ESYT3: variants seen among roughly 807,000 people sequenced by gnomAD.
ESYT3 encodes the protein extended synaptotagmin-3.
In ESYT3, 101 loss-of-function variants were observed where a neutral mutation model predicts 111.5. The ratio of observed to expected loss-of-function variants is 0.91; its 90% CI spans 0.77 to 1.07. The LOEUF (loss-of-function observed/expected upper bound fraction) is 1.07, where lower values mean the gene tolerates loss of function less well. ESYT3 is among the 50% of genes least tolerant of loss of function. The probability of loss-of-function intolerance (pLI) is 0.00; values close to 1 mark genes in which losing one functional copy is unlikely to be tolerated. For missense variants in ESYT3, 1,097 were observed against 1,109.4 expected, an observed-to-expected ratio of 0.99 and a Z score of 0.16; for synonymous variants, 416 against 446.8, an observed-to-expected ratio of 0.93 and a Z score of 0.87.
chr3:138,471,882 C>A (rs1027403634), intron 17 of ESYT3, among the ~76,000 whole-genome samples: 1 of 152,198 alleles, frequency 6.6e-6, no homozygotes, highest in African/African-American at 2.4e-5. Context: ...TTAGGAAAGA[C>A]TTTATCCCCT....
intron 10 of ESYT3, 26 bp from the exon 11 acceptor site, chr3:138,467,535 C>G: frequency 6.2e-7 from 1 of 1,613,866 alleles, no homozygotes; most frequent in East Asian, 2.2e-5. Context: ...TGAGCTGACC[C>G]AATCCCCTCT....
At position 138,435,167 on chromosome 3, in the gene ESYT3, T is replaced by G; in HGVS notation, c.327+42T>G. ...GGGAGTGGGAGGTGGGGAGATGCCT[T>G]TCGAGGTTCGGAGGAACTTGCGGTC... On this transcript the variant is annotated intron_variant, in intron 1 of 22. Coordinates refer to ENST00000389567, the MANE Select transcript of ESYT3 (RefSeq NM_031913.5). This position sits in a 1 kb window ranked among gnomAD's most constrained non-coding sequence, Gnocchi z 4.8. 2.0e-6 allele frequency: 3 copies of G among 1,493,326 alleles called. No homozygotes were observed. Among genetic ancestry groups the G allele is most frequent in the Non-Finnish European group, 9.0e-7 (1 of 1,116,012 alleles). 92.5% of individuals were successfully genotyped at this position (1,493,326 alleles called of 1,614,324 possible).
intron 20 of ESYT3, among the ~76,000 whole-genome samples, chr3:138,475,882 C>T (rs182699185): frequency 1.1e-4 from 16 of 152,228 alleles, no homozygotes; most frequent in Admixed American, 7.8e-4. Context: ...GCCAAGATCG[C>T]GCCATTGCAC....
intron 18 of ESYT3, 186 bp from the exon 19 acceptor site, chr3:138,473,350 T>C (rs1679168): frequency 0.77 from 476,888 of 616,950 alleles, 185,431 homozygotes; most frequent in East Asian, 0.95. Context: ...CTTCCTACTA[T>C]GAAGTAGGAT....
rs576484653 is a variant in ESYT3, at chr3:138,478,579, T to C, written c.*1725T>C. ...GCAGATAAGTGAAAACCTACCCCTC[T>C]TCTTCCAAACTTAAACCACAAACAT... On this transcript the variant is annotated 3_prime_UTR_variant, in exon 23 of 23. Coordinates refer to ENST00000389567, the MANE Select transcript of ESYT3 (RefSeq NM_031913.5). The C allele has an allele frequency of 2.0e-5, 3 of 152,210 alleles. No individual in the cohort carries two copies. Among genetic ancestry groups the C allele is most frequent in the Non-Finnish European group, 4.4e-5 (3 of 68,026 alleles). 9.4% of individuals were successfully genotyped at this position (152,210 alleles called of 1,614,324 possible).
intron 1 of ESYT3, among the ~76,000 whole-genome samples, chr3:138,442,730 T>C (rs2031248069): frequency 6.6e-6 from 1 of 152,244 alleles, no homozygotes; most frequent in African/African-American, 2.4e-5. Context: ...AGCTGCTAGC[T>C]CAGTGCCCAG....
chr3:138,469,393 T>C (rs1366508101), intron 14 of ESYT3, 43 bp from the exon 15 acceptor site: 8 of 1,563,806 alleles, frequency 5.1e-6, no homozygotes, highest in South Asian at 1.1e-5. Context: ...CAAGCTGATA[T>C]TGACTATGCC....
intron 7 of ESYT3, among the ~76,000 whole-genome samples, chr3:138,460,909 T>C (rs2032599887): frequency 1.3e-5 from 2 of 152,178 alleles, no homozygotes. Context: ...ACCCATGTAG[T>C]GGGCAAGAAG....
rs114418377 is a variant in ESYT3, at chr3:138,435,499, G to C, written c.327+374G>C. Reference sequence around the variant, plus strand: ...AAGGCATTTCTTCCACCCGCCTGTTGATTCAGAGAACGAACGCCGGACGCA... The same window carrying C: ...AAGGCATTTCTTCCACCCGCCTGTTCATTCAGAGAACGAACGCCGGACGCA... On this transcript the variant is annotated intron_variant, in intron 1 of 22. Transcript: ENST00000389567. The surrounding 1 kb of genome is among the most constrained non-coding windows in gnomAD (Gnocchi z 4.8). 8.4e-3 allele frequency among the ~76,000 whole-genome samples: 1,275 copies of C among 152,340 alleles called. 10 individuals are homozygous for C. The highest frequency in any genetic ancestry group is 0.029 in the African/African-American group (1,207 of 41,566).
chr3:138,468,685 G>T lies in ESYT3; in HGVS notation c.1339G>T (p.Val447Leu), dbSNP rs147129542. ...DHGGLSTAIL[V>L]VFLESACNLP... The stretch of plus-strand genomic sequence containing the variant: ...TGGTGGCCTTTCCACTGCCATTCTC[G>T]TGGTCTTCTTGGAGAGTGCCTGCAA... Residue 447 changes from valine to leucine, a missense_variant, in exon 13 of 23, where the codon GTG becomes TTG. Transcript: ENST00000389567. 138 of 1,613,698 alleles carry T rather than the reference G, an allele frequency of 8.6e-5. No homozygotes were observed. In the African/African-American group the frequency reaches 1.7e-3, roughly 20 times the overall value.
At chr3:138,461,740 G>T (rs1576451141) in intron 7 of ESYT3, among the ~76,000 whole-genome samples, 1 of 152,192 alleles carries the variant, frequency 6.6e-6, no homozygotes, top group South Asian at 2.1e-4. Context: ...AGAGGTTAGC[G>T]ACTTGCCAAG....
At chr3:138,455,350 C>T in intron 3 of ESYT3, 22 bp downstream of exon 3, 1 of 1,613,584 alleles carries the variant, frequency 6.2e-7, no homozygotes, top group Non-Finnish European at 8.5e-7. Flanking sequence ...TCGGGAGGGT[C>T]AGCCTGGACT....
At chr3:138,458,089 G>A (rs980223289) in intron 4 of ESYT3, among the ~76,000 whole-genome samples, 1 of 152,192 alleles carries the variant, frequency 6.6e-6, no homozygotes, top group Admixed American at 6.5e-5. Flanking sequence ...GGTTCATAAT[G>A]GGTGTGAGTC....
In ESYT3 at chr3:138,460,069, C is replaced by T. The variant is rs1275724864; in HGVS notation, c.738+35C>T. ...AAGGACTGCGGTAAGCCTGCTGCTC[C>T]CTGGGAGTAGGCACTGGTCTGCTGG... On this transcript the variant is annotated intron_variant, in intron 6 of 22. Transcript: ENST00000389567. 4 of 1,579,238 alleles carry T rather than the reference C, an allele frequency of 2.5e-6. No homozygotes were observed. In the South Asian group the frequency reaches 3.3e-5, roughly 13 times the overall value.
chr3:138,459,510 T>C (rs1207362910), intron 5 of ESYT3, among the ~76,000 whole-genome samples: 3 of 152,208 alleles, frequency 2.0e-5, no homozygotes, highest in African/African-American at 7.2e-5. Flanking sequence ...TTTGGCTGCC[T>C]GGCGAGGAGA....
chr3:138,459,245 G>A lies in ESYT3; in HGVS notation c.640G>A (p.Gly214Arg), dbSNP rs527514639. Residue 214 changes from glycine (G) to arginine (R), a missense_variant, in exon 5 of 23, where the codon GGG becomes AGG. Transcript: ENST00000389567. ...ELQKIQAGVNGIQLQGTLRVI... is the reference protein window; with the variant it reads ...ELQKIQAGVNRIQLQGTLRVI... ...GCAGAAGATTCAGGCTGGTGTGAAC[G>A]GGATCCAGGTGGGTGGAGCCCGGTG... 1.4e-5 allele frequency: 22 copies of A among 1,558,528 alleles called. No homozygotes were observed. The highest frequency in any genetic ancestry group is 1.7e-5 in the Non-Finnish European group (20 of 1,145,206).
intron 1 of ESYT3, among the ~76,000 whole-genome samples, chr3:138,446,610 C>T (rs950225099): frequency 6.6e-6 from 1 of 152,128 alleles, no homozygotes; most frequent in East Asian, 1.9e-4. Flanking sequence ...AATGATATAC[C>T]TGGGCATGGT....
chr3:138,458,421 A>G (rs920233314), intron 4 of ESYT3, among the ~76,000 whole-genome samples: 6 of 152,148 alleles, frequency 3.9e-5, no homozygotes, highest in Admixed American at 3.3e-4. Context: ...TGTGTGGCCC[A>G]CTCAGCTGCC....
At chr3:138,463,134 G>T (rs1339873202) in intron 8 of ESYT3, among the ~76,000 whole-genome samples, 1 of 151,990 alleles carries the variant, frequency 6.6e-6, no homozygotes, top group South Asian at 2.1e-4. Context: ...TTGCTCTGTG[G>T]CCCAGGCTGA....
Sources: gnomAD v4.1 joint callset for allele counts (sites outside exome capture counted in the v4.1 genomes callset) on GRCh38, gnomAD v4.1.1 for gene constraint, Gnocchi (gnomAD v3.1) non-coding constraint, MANE v1.5 for transcripts, NCBI Gene and HGNC (gene_info 2026-07-23, HGNC 2026-07-21) for gene names.